GALNT2: variants seen among roughly 807,000 people sequenced by gnomAD.
GALNT2 encodes polypeptide N-acetylgalactosaminyltransferase 2.
A neutral mutation model predicts 81.4 loss-of-function variants in GALNT2; 31 were observed. The ratio of observed to expected loss-of-function variants is 0.38; its 90% CI spans 0.29 to 0.51. GALNT2 has a LOEUF of 0.51. Among genes scored for constraint, GALNT2 ranks in the 20% least tolerant of loss-of-function variants. GALNT2 has a pLI of 0.87. For synonymous variants in GALNT2, 303 were observed against 287.4 expected (o/e 1.05, Z -0.55); for missense variants, 629 against 765.7 (o/e 0.82, Z 2.11).
chr1:230,243,480 G>A lies in GALNT2; in HGVS notation c.729+53G>A. On this transcript the variant is annotated intron_variant, in intron 7 of 15. Coordinates refer to ENST00000366672, the MANE Select transcript of GALNT2 (RefSeq NM_004481.5). The surrounding 1 kb of genome is among the most constrained non-coding windows in gnomAD (Gnocchi z 4.2). ...TCAGGTCGTGGGTGGTTGGTAGAGG[G>A]GACAGAAGGGAGCATGGTCCAGGGG... 1 of 1,597,330 alleles carries A rather than the reference G, an allele frequency of 6.3e-7. No individual in the cohort carries two copies. Among genetic ancestry groups the A allele is most frequent in the Admixed American group, 1.7e-5 (1 of 59,126 alleles).
chr1:230,101,725 T>C (rs1178851999), intron 1 of GALNT2, among the ~76,000 whole-genome samples: 1 of 152,204 alleles, frequency 6.6e-6, no homozygotes, highest in East Asian at 1.9e-4. Context: ...CTATGACAGA[T>C]TACTGTTCCT....
At chr1:230,087,972 A>G (rs920252990) in intron 1 of GALNT2, among the ~76,000 whole-genome samples, 1 of 152,196 alleles carries the variant, frequency 6.6e-6, no homozygotes, top group African/African-American at 2.4e-5. Context: ...GAAGAAAAAT[A>G]CAAGTTTTCT....
chr1:230,265,136 C>G lies in GALNT2; in HGVS notation c.1314-105C>G. 2.0e-6 allele frequency: 3 copies of G among 1,490,614 alleles called. No individual in the cohort carries two copies. In the Admixed American group the frequency reaches 5.1e-5, roughly 26 times the overall value. The allele number at this position is 1,490,614 out of a possible 1,614,324, so 92.3% of individuals were successfully genotyped here. ...CACGATGCCTAGTCACTGGGTCTTT[C>G]TCTCGTTCCTGTCACCTGTCATGAG... On this transcript the variant is annotated intron_variant, in intron 13 of 15. Transcript: ENST00000366672.
At chr1:230,209,561 G>T (rs769633534) in intron 3 of GALNT2, among the ~76,000 whole-genome samples, 11 of 152,216 alleles carry the variant, frequency 7.2e-5, no homozygotes, top group Non-Finnish European at 1.2e-4. Flanking sequence ...CTATTGTTGG[G>T]CCAGGTGCAG....
chr1:230,157,244 G>A (rs563880412), intron 1 of GALNT2, among the ~76,000 whole-genome samples: 24 of 152,280 alleles, frequency 1.6e-4, no homozygotes, highest in East Asian at 3.9e-4. Context: ...CTGGCGTGTC[G>A]TAAGCACCAT....
chr1:230,063,045 G>T (rs902210204), upstream of GALNT2, among the ~76,000 whole-genome samples: 7 of 152,150 alleles, frequency 4.6e-5, no homozygotes, highest in Admixed American at 3.9e-4. Flanking sequence ...GGGCGCGGTG[G>T]CTCACACCTG....
At chr1:230,209,372 C>T (rs929818837) in intron 3 of GALNT2, among the ~76,000 whole-genome samples, 4 of 61,034 alleles carry the variant, frequency 6.6e-5, no homozygotes, top group Middle Eastern at 0.013. Context: ...ATCCACCTGT[C>T]CTACAGGACA....
chr1:230,157,846 CAG>C (rs919486662), intron 1 of GALNT2, among the ~76,000 whole-genome samples: 11 of 152,128 alleles, frequency 7.2e-5, no homozygotes, highest in South Asian at 4.1e-4. Context: ...CAAATGTACT[CAG>C]GGGAGTTTTG....
chr1:230,173,691 G>C (rs867038024), intron 1 of GALNT2, among the ~76,000 whole-genome samples: 1 of 152,226 alleles, frequency 6.6e-6, no homozygotes, highest in Non-Finnish European at 1.5e-5. Flanking sequence ...ACACAGATCT[G>C]TTGGTAGCAC....
intron 2 of GALNT2, among the ~76,000 whole-genome samples, chr1:230,182,471 G>A (rs933028175): frequency 6.6e-6 from 1 of 152,056 alleles, no homozygotes; most frequent in African/African-American, 2.4e-5. Flanking sequence ...TTTTTCTTGA[G>A]ATTTCTTCTT....
rs1204130766 is a variant in GALNT2 at position 230,281,607 on chromosome 1, C to G, written c.*2149C>G. ...TACCCCGCCCGCACCCCTAGGCCCT[C>G]TCAGCCTTCCTATCATCCCACGTGT... On this transcript the variant is annotated 3_prime_UTR_variant, in exon 16 of 16. Coordinates refer to ENST00000366672, the MANE Select transcript of GALNT2 (RefSeq NM_004481.5). 2.6e-5 allele frequency: 4 copies of G among 152,720 alleles called. No individual in the cohort carries two copies. Among genetic ancestry groups the G allele is most frequent in the Non-Finnish European group, 4.4e-5 (3 of 68,106 alleles). 9.5% of individuals were successfully genotyped at this position (152,720 alleles called of 1,614,324 possible).
chr1:230,165,594 T>G (rs1307087703), intron 1 of GALNT2, among the ~76,000 whole-genome samples: 1 of 152,218 alleles, frequency 6.6e-6, no homozygotes, highest in Non-Finnish European at 1.5e-5. Flanking sequence ...ACTGTGTCCT[T>G]TTGCTTTTAA....
At chr1:230,136,081 A>G (rs1414678929) in intron 1 of GALNT2, among the ~76,000 whole-genome samples, 1 of 152,148 alleles carries the variant, frequency 6.6e-6, no homozygotes, top group Admixed American at 6.5e-5. Flanking sequence ...GAATTGAATG[A>G]GCTGCATGTG....
intron 1 of GALNT2, among the ~76,000 whole-genome samples, chr1:230,177,997 A>T (rs1005015466): frequency 1.3e-5 from 2 of 152,188 alleles, no homozygotes; most frequent in African/African-American, 4.8e-5. Flanking sequence ...AGAGAAATGC[A>T]AACCCTTGGG....
chr1:230,146,744 G>T (rs1276906438), intron 1 of GALNT2, among the ~76,000 whole-genome samples: 3 of 152,178 alleles, frequency 2.0e-5, no homozygotes. Flanking sequence ...AGGAGAGAGG[G>T]CATAGGGTGG....
intron 15 of GALNT2, among the ~76,000 whole-genome samples, chr1:230,278,594 A>G (rs1001492697): frequency 8.5e-5 from 13 of 152,318 alleles, no homozygotes; most frequent in African/African-American, 3.1e-4. Context: ...TGTACTTTAC[A>G]AGCGGCATGT....
intron 2 of GALNT2, among the ~76,000 whole-genome samples, chr1:230,202,811 C>A (rs1358615471): frequency 2.6e-5 from 4 of 152,216 alleles, no homozygotes; most frequent in African/African-American, 7.2e-5. Context: ...AAAGGTGGGA[C>A]AAGCTGAGAA....
At chr1:230,235,426 C>A (rs138563814) in intron 3 of GALNT2, among the ~76,000 whole-genome samples, 2 of 152,008 alleles carry the variant, frequency 1.3e-5, no homozygotes, top group Admixed American at 6.6e-5. Context: ...TTGACTGTAC[C>A]CTCACTCCAT....
intron 1 of GALNT2, among the ~76,000 whole-genome samples, chr1:230,130,662 C>T (rs1017526805): frequency 6.6e-6 from 1 of 152,232 alleles, no homozygotes; most frequent in Non-Finnish European, 1.5e-5. Flanking sequence ...CAGCCCGGAG[C>T]TGCTGCCCGG....
Sources: gnomAD v4.1 joint callset for allele counts (sites outside exome capture counted in the v4.1 genomes callset) on GRCh38, gnomAD v4.1.1 for gene constraint, Gnocchi (gnomAD v3.1) non-coding constraint, MANE v1.5 for transcripts, NCBI Gene and HGNC (gene_info 2026-07-23, HGNC 2026-07-21) for gene names.